HPSE2: variants seen among roughly 807,000 people sequenced by gnomAD.
The protein encoded by HPSE2 is inactive heparanase-2.
A neutral mutation model predicts 60.5 loss-of-function variants in HPSE2; 38 were observed. The ratio of observed to expected loss-of-function variants is 0.63; its 90% CI spans 0.48 to 0.82. The LOEUF is 0.82. HPSE2 is among the 40% of genes least tolerant of loss of function. The pLI is 0.00. For missense variants in HPSE2, 713 were observed against 740.4 expected (o/e 0.96, Z 0.43); for synonymous variants, 295 against 293.2 (o/e 1.01, Z -0.06).
At chr10:99,014,526 G>A (rs113025202) in intron 3 of HPSE2, among the ~76,000 whole-genome samples, 9 of 152,124 alleles carry the variant, frequency 5.9e-5, no homozygotes, top group Non-Finnish European at 8.8e-5. Flanking sequence ...CTGAGGAATC[G>A]CCACACTGTT....
At chr10:99,089,813 A>T (rs1368585668) in intron 3 of HPSE2, among the ~76,000 whole-genome samples, 1 of 152,092 alleles carries the variant, frequency 6.6e-6, no homozygotes, top group East Asian at 1.9e-4. Context: ...TGAGCATGGG[A>T]TGTGTTTCCA....
At chr10:98,807,950 A>C (rs187341930) in intron 3 of HPSE2, among the ~76,000 whole-genome samples, 3 of 152,208 alleles carry the variant, frequency 2.0e-5, no homozygotes, top group Non-Finnish European at 1.5e-5. Context: ...GAAAATGCTG[A>C]CTTCTTCTAG....
intron 3 of HPSE2, among the ~76,000 whole-genome samples, chr10:98,855,005 G>T (rs577643372): frequency 8.0e-4 from 122 of 152,246 alleles, no homozygotes; most frequent in African/African-American, 2.9e-3. Flanking sequence ...AGAAAATTTA[G>T]AAGATAATTT....
At chr10:99,237,750 T>C (rs749177280), upstream of HPSE2, among the ~76,000 whole-genome samples, 35 of 152,180 alleles carry the variant, frequency 2.3e-4, no homozygotes, top group Admixed American at 1.4e-3. Context: ...TGTCTGTGTA[T>C]GGGTGTGTGG....
the HPSE2 span, among the ~76,000 whole-genome samples, chr10:99,290,783 G>T: frequency 6.6e-6 from 1 of 152,108 alleles, no homozygotes; most frequent in Non-Finnish European, 1.5e-5. Flanking sequence ...AATCTCAAAG[G>T]TCTAATTCAA....
intron 5 of HPSE2, among the ~76,000 whole-genome samples, chr10:98,710,494 T>A (rs930588285): frequency 1.3e-5 from 2 of 152,168 alleles, no homozygotes; most frequent in Non-Finnish European, 2.9e-5. Flanking sequence ...GGAATTAAGA[T>A]GGGTGAGACT....
intron 3 of HPSE2, among the ~76,000 whole-genome samples, chr10:98,956,622 A>G (rs1955516226): frequency 6.6e-6 from 1 of 152,156 alleles, no homozygotes; most frequent in Admixed American, 6.6e-5. Flanking sequence ...TCCAGGGAAC[A>G]CAACAGATAG....
At chr10:98,960,323 A>G (rs1955619338) in intron 3 of HPSE2, among the ~76,000 whole-genome samples, 1 of 152,216 alleles carries the variant, frequency 6.6e-6, no homozygotes, top group South Asian at 2.1e-4. Flanking sequence ...CTACCTAGAT[A>G]GAATTTAATA....
At chr10:98,476,518 TG>T (rs1299334878) in intron 11 of HPSE2, among the ~76,000 whole-genome samples, 1 of 151,478 alleles carries the variant, frequency 6.6e-6, no homozygotes, top group Non-Finnish European at 1.5e-5. Flanking sequence ...AGGCCAGGCA[TG>T]GTGGCTCATG....
chr10:98,467,604 C>T (rs943353137), intron 11 of HPSE2, among the ~76,000 whole-genome samples: 1 of 152,076 alleles, frequency 6.6e-6, no homozygotes, highest in Non-Finnish European at 1.5e-5. Flanking sequence ...GTGTGCTTTC[C>T]TAGGGGCCAC....
chr10:98,829,345 T>G (rs1439698959), intron 3 of HPSE2, among the ~76,000 whole-genome samples: 2 of 152,002 alleles, frequency 1.3e-5, no homozygotes, highest in African/African-American at 4.8e-5. Context: ...CTGGCCAATA[T>G]AGCGAAACCC....
At chr10:99,202,383 TA>T in intron 2 of HPSE2, among the ~76,000 whole-genome samples, 1 of 152,304 alleles carries the variant, frequency 6.6e-6, no homozygotes, top group Non-Finnish European at 1.5e-5. Flanking sequence ...TATTCATCGC[TA>T]AACTAAAAAT....
chr10:98,936,873 G>T (rs1183029737), intron 3 of HPSE2, among the ~76,000 whole-genome samples: 1 of 137,444 alleles, frequency 7.3e-6, no homozygotes, highest in East Asian at 2.1e-4. Context: ...CAGATACTCA[G>T]GAGGCTGAAG....
At chr10:98,607,577 G>A (rs1331587610) in intron 9 of HPSE2, among the ~76,000 whole-genome samples, 2 of 152,136 alleles carry the variant, frequency 1.3e-5, no homozygotes, top group African/African-American at 4.8e-5. Context: ...TCTCCGGAGG[G>A]AAATAAAATG....
chr10:98,750,728 A>C (rs571752266), intron 3 of HPSE2, among the ~76,000 whole-genome samples: 6 of 152,290 alleles, frequency 3.9e-5, no homozygotes, highest in Admixed American at 1.3e-4. Context: ...TTATGAAGGA[A>C]GTGTGAAAGA....
chr10:99,286,674 T>C, the HPSE2 span, among the ~76,000 whole-genome samples: 8 of 152,260 alleles, frequency 5.3e-5, no homozygotes, highest in South Asian at 1.7e-3. Context: ...ATTGTTAAAA[T>C]GAAAATTTTC....
At chr10:99,217,988 T>C (rs575760304) in intron 2 of HPSE2, among the ~76,000 whole-genome samples, 13 of 152,150 alleles carry the variant, frequency 8.5e-5, no homozygotes, top group South Asian at 8.3e-4. Context: ...CAATTAATAG[T>C]AGCTGCCTCG....
In HPSE2 at chr10:98,459,151, G is replaced by C. The variant is rs969367239; in HGVS notation, c.*423C>G. 4.0e-6 allele frequency: 1 copy of C among 250,240 alleles called. No individual in the cohort carries two copies. Among genetic ancestry groups the C allele is most frequent in the African/African-American group, 2.2e-5 (1 of 45,194 alleles). 15.5% of individuals were successfully genotyped at this position (250,240 alleles called of 1,614,324 possible). A position where few individuals can be genotyped will look rare whatever the true frequency, so the allele number is the denominator to read the frequency against. ...GGATGGGTTTTTGTAGGTCCACCCAGTTTTTTTCCTTCCTCATCTTCCTCT... is the reference window on the plus strand; with the variant it reads ...GGATGGGTTTTTGTAGGTCCACCCACTTTTTTTCCTTCCTCATCTTCCTCT... On this transcript the variant is annotated 3_prime_UTR_variant, in exon 12 of 12. Coordinates refer to ENST00000370552, the MANE Select transcript of HPSE2 (RefSeq NM_021828.5).
chr10:98,661,339 AGT>A (rs1947219683), intron 6 of HPSE2, among the ~76,000 whole-genome samples: 1 of 152,166 alleles, frequency 6.6e-6, no homozygotes, highest in South Asian at 2.1e-4. Flanking sequence ...GATTGCTTTT[AGT>A]TTATTTAATT....
Sources: gnomAD v4.1 joint callset for allele counts (sites outside exome capture counted in the v4.1 genomes callset) on GRCh38, gnomAD v4.1.1 for gene constraint, MANE v1.5 for transcripts, NCBI Gene and HGNC (gene_info 2026-07-23, HGNC 2026-07-21) for gene names.